Variants in TBC1D19 observed in about 807,000 individuals in gnomAD.
TBC1D19 encodes the protein TBC1 domain family, member 19.
In TBC1D19, 60 loss-of-function variants were observed where a neutral mutation model predicts 89.0. The ratio of observed to expected loss-of-function variants is 0.67; its 90% confidence interval spans 0.55 to 0.84. TBC1D19 has a LOEUF of 0.84. TBC1D19 is among the 40% of genes least tolerant of loss of function. The probability of loss-of-function intolerance (pLI) is 0.00; values close to 1 mark genes in which losing one functional copy is unlikely to be tolerated. For synonymous variants in TBC1D19, 189 were observed against 199.7 expected (o/e 0.95, Z 0.45); for missense variants, 500 against 610.8 (o/e 0.82, Z 1.91).
the TBC1D19 span, among the ~76,000 whole-genome samples, chr4:26,817,101 C>T: frequency 2.0e-5 from 3 of 152,170 alleles, no homozygotes; most frequent in Admixed American, 1.3e-4. Context: ...TACTCTAAAG[C>T]TTGAGAGACC....
the TBC1D19 span, among the ~76,000 whole-genome samples, chr4:26,831,979 T>C: frequency 6.6e-6 from 1 of 152,182 alleles, no homozygotes; most frequent in African/African-American, 2.4e-5. Context: ...TGTACCAACT[T>C]CAAGCTGCTT....
intron 1 of TBC1D19, among the ~76,000 whole-genome samples, chr4:26,606,587 T>G (rs1390566127): frequency 6.6e-6 from 1 of 152,082 alleles, no homozygotes; most frequent in Non-Finnish European, 1.5e-5. Context: ...TTGAGTAAGG[T>G]AGGGATGTAG....
At chr4:26,716,501 G>A (rs1470462409) in intron 13 of TBC1D19, among the ~76,000 whole-genome samples, 17 of 152,084 alleles carry the variant, frequency 1.1e-4, no homozygotes. Context: ...TTAGTCATAA[G>A]TAAATTCACT....
intron 11 of TBC1D19, among the ~76,000 whole-genome samples, chr4:26,681,393 A>AC (rs1713327080): frequency 6.6e-6 from 1 of 151,828 alleles, no homozygotes; most frequent in African/African-American, 2.4e-5. Flanking sequence ...CAAAAAACAA[A>AC]AAAAAAAATC....
intron 13 of TBC1D19, among the ~76,000 whole-genome samples, chr4:26,716,431 A>G (rs1383302359): frequency 6.6e-6 from 1 of 152,138 alleles, no homozygotes; most frequent in Non-Finnish European, 1.5e-5. Flanking sequence ...AAATGCCCAA[A>G]GCAATTGACC....
At chr4:26,857,656 C>G in the TBC1D19 span, 1 of 152,134 alleles carries the variant, frequency 6.6e-6, no homozygotes, top group Non-Finnish European at 1.5e-5. Context: ...ACTCGCGCAC[C>G]TGGGGGAAGC....
the TBC1D19 span, among the ~76,000 whole-genome samples, chr4:26,840,581 C>T: frequency 6.6e-6 from 1 of 152,070 alleles, no homozygotes; most frequent in African/African-American, 2.4e-5. Flanking sequence ...CTACCTCAAT[C>T]ATATTGAGGC....
At chr4:26,628,013 GT>G (rs1742544032) in intron 4 of TBC1D19, among the ~76,000 whole-genome samples, 1 of 152,118 alleles carries the variant, frequency 6.6e-6, no homozygotes, top group Admixed American at 6.5e-5. Context: ...GGTTTTTATG[GT>G]TTTAGGTCTA....
the TBC1D19 span, among the ~76,000 whole-genome samples, chr4:26,812,599 T>C: frequency 6.6e-6 from 1 of 152,156 alleles, no homozygotes; most frequent in African/African-American, 2.4e-5. This position sits in a 1 kb window ranked among gnomAD's most constrained non-coding sequence, Gnocchi z 4.2. Context: ...AAAGCCACAT[T>C]GTAACTACCA....
At chr4:26,593,484 C>T (rs1013253395) in intron 1 of TBC1D19, among the ~76,000 whole-genome samples, 1 of 152,162 alleles carries the variant, frequency 6.6e-6, no homozygotes, top group Non-Finnish European at 1.5e-5. Context: ...CCAAAATTGA[C>T]AAATGTGATC....
chr4:26,746,332 G>A (rs7681685), intron 18 of TBC1D19, among the ~76,000 whole-genome samples: 3 of 151,332 alleles, frequency 2.0e-5, no homozygotes, highest in African/African-American at 7.3e-5. Flanking sequence ...CTCAGCCTCC[G>A]AAAGCACTGG....
At chr4:26,652,933 T>C (rs546832462) in intron 7 of TBC1D19, among the ~76,000 whole-genome samples, 135 of 152,318 alleles carry the variant, frequency 8.9e-4, no homozygotes, top group Admixed American at 4.3e-3. Context: ...TTGCTCTTGC[T>C]TCTCTAGTTC....
the TBC1D19 span, among the ~76,000 whole-genome samples, chr4:26,798,536 C>A: frequency 6.6e-6 from 1 of 152,030 alleles, no homozygotes; most frequent in Non-Finnish European, 1.5e-5. Context: ...TTCAACCCAG[C>A]AGTCTCACTA....
At position 26,610,592 on chromosome 4, in the gene TBC1D19, A is replaced by G. The variant is rs566331743; in HGVS notation, c.100-2577A>G. Reference sequence around the variant, plus strand: ...TACCCAATAGGTAGTTCCATTCCTCATCCTCCTCCCACCCTCTACCATCAA... The same window carrying G: ...TACCCAATAGGTAGTTCCATTCCTCGTCCTCCTCCCACCCTCTACCATCAA... On this transcript the variant is annotated intron_variant, in intron 1 of 20. Transcript: ENST00000264866. Among the ~76,000 whole-genome samples, 3 of 151,762 alleles carry G rather than the reference A, an allele frequency of 2.0e-5. No individual in the cohort carries two copies. In the East Asian group the frequency reaches 5.8e-4, roughly 29 times the overall value.
At chr4:26,753,356 G>A (rs1295084568) in intron 19 of TBC1D19, among the ~76,000 whole-genome samples, 7 of 152,106 alleles carry the variant, frequency 4.6e-5, no homozygotes, top group East Asian at 1.9e-4. Context: ...TAGGCCAGGC[G>A]TAGTGGCTCA....
chr4:26,655,244 G>A (rs1744708831), intron 7 of TBC1D19, among the ~76,000 whole-genome samples: 1 of 152,196 alleles, frequency 6.6e-6, no homozygotes, highest in African/African-American at 2.4e-5. Flanking sequence ...TTTTGTCTCA[G>A]AGGAGTACCC....
the TBC1D19 span, among the ~76,000 whole-genome samples, chr4:26,830,345 C>A: frequency 6.6e-6 from 1 of 152,130 alleles, no homozygotes. Context: ...CTTCATATTG[C>A]TTTAGTTCCT....
chr4:26,594,993 T>C (rs1204628756), intron 1 of TBC1D19, among the ~76,000 whole-genome samples: 1 of 152,024 alleles, frequency 6.6e-6, no homozygotes, highest in African/African-American at 2.4e-5. Flanking sequence ...GGTAAGAGAG[T>C]GGTTAACCAT....
chr4:26,816,269 T>C, the TBC1D19 span, among the ~76,000 whole-genome samples: 471 of 152,178 alleles, frequency 3.1e-3, 1 homozygote, highest in African/African-American at 0.011. Context: ...GAGCAATTGC[T>C]ACATTACACC....
Sources: gnomAD v4.1 joint callset for allele counts (sites outside exome capture counted in the v4.1 genomes callset) on GRCh38, gnomAD v4.1.1 for gene constraint, Gnocchi (gnomAD v3.1) non-coding constraint, MANE v1.5 for transcripts, NCBI Gene and HGNC (gene_info 2026-07-23, HGNC 2026-07-21) for gene names.